The following ADGB variants were observed in gnomAD, a reference collection of about 807,000 sequenced individuals.
ADGB encodes the protein calpain-7-like protein.
A neutral mutation model predicts 210.5 loss-of-function variants in ADGB; 172 were observed. The observed-to-expected ratio is 0.82, with a 90% CI of 0.72 to 0.93. The LOEUF (loss-of-function observed/expected upper bound fraction) is 0.93, where lower values mean the gene tolerates loss of function less well. ADGB is among the 40% of genes least tolerant of loss of function. ADGB has a pLI of 0.00. For missense variants in ADGB, 2,025 were observed against 1,964.8 expected, an observed-to-expected ratio of 1.03 and a Z score of -0.58; for synonymous variants, 658 against 662.7, an observed-to-expected ratio of 0.99 and a Z score of 0.11.
intron 13 of ADGB, among the ~76,000 whole-genome samples, chr6:146,712,188 T>TC: frequency 6.6e-6 from 1 of 151,902 alleles, no homozygotes; most frequent in African/African-American, 2.4e-5. Flanking sequence ...TGTTTTGTTT[T>TC]TTTTTGTTTT....
At chr6:146,763,063 T>C (rs997751963) in intron 27 of ADGB, among the ~76,000 whole-genome samples, 1 of 152,120 alleles carries the variant, frequency 6.6e-6, no homozygotes, top group African/African-American at 2.4e-5. Flanking sequence ...CACTCACCCA[T>C]CTTTGTTTCC....
At chr6:146,663,123 A>G (rs966108496) in intron 5 of ADGB, among the ~76,000 whole-genome samples, 1 of 140,404 alleles carries the variant, frequency 7.1e-6, no homozygotes, top group Admixed American at 7.4e-5. Context: ...AATATAATAA[A>G]TATATAATTA....
intron 35 of ADGB, among the ~76,000 whole-genome samples, chr6:146,806,651 T>A (rs1778216500): frequency 6.6e-6 from 1 of 152,108 alleles, no homozygotes; most frequent in South Asian, 2.1e-4. Context: ...TCTAGAAGAG[T>A]CTTTTCAGGC....
chr6:146,614,910 C>CT (rs1351234815), intron 1 of ADGB, among the ~76,000 whole-genome samples: 3 of 151,560 alleles, frequency 2.0e-5, no homozygotes, highest in Non-Finnish European at 4.4e-5. Flanking sequence ...ATCTCAGATT[C>CT]TTTTTTTTGA....
At chr6:146,698,717 A>G (rs1408843728) in intron 12 of ADGB, among the ~76,000 whole-genome samples, 1 of 152,106 alleles carries the variant, frequency 6.6e-6, no homozygotes, top group East Asian at 1.9e-4. Flanking sequence ...CAAATTAATA[A>G]ATCTAGTTTT....
chr6:146,691,940 C>T (rs1776335691), intron 11 of ADGB, among the ~76,000 whole-genome samples: 1 of 151,854 alleles, frequency 6.6e-6, no homozygotes, highest in Admixed American at 6.6e-5. Context: ...TGTCTCCTTC[C>T]CTCCCTTCCT....
rs1397704943 is a variant in ADGB at position 146,745,964 on chromosome 6, T to C, written c.3220T>C (p.Tyr1074His). ...FVAEAFTGDT[Y>H]VAASRWKLRL... ...GGCGGAAGCATTTACAGGCGACACA[T>C]ATGTAGCAGCCTCACGATGGAAACT... is the stretch of plus-strand genomic sequence containing the variant. Residue 1074 changes from tyrosine to histidine, a missense_variant, in exon 26 of 36, where the codon TAT (tyrosine) becomes CAT (histidine). Coordinates refer to ENST00000397944, the MANE Select transcript of ADGB (RefSeq NM_024694.4). 2 of 1,551,130 alleles carry C rather than the reference T, an allele frequency of 1.3e-6. No homozygotes were observed. The highest frequency in any genetic ancestry group is 2.4e-5 in the East Asian group (1 of 40,894).
intron 1 of ADGB, among the ~76,000 whole-genome samples, chr6:146,617,326 T>C (rs1281956085): frequency 6.6e-6 from 1 of 152,028 alleles, no homozygotes; most frequent in Non-Finnish European, 1.5e-5. Flanking sequence ...CATTTTTCAG[T>C]TCTGTAATTT....
intron 5 of ADGB, among the ~76,000 whole-genome samples, chr6:146,661,999 G>T (rs940072581): frequency 6.6e-6 from 1 of 152,092 alleles, no homozygotes; most frequent in Non-Finnish European, 1.5e-5. Context: ...CTGGCTCCTG[G>T]TGAGCAATCT....
intron 35 of ADGB, chr6:146,802,224 A>T (rs185477515): frequency 2.4e-4 from 69 of 286,378 alleles, no homozygotes; most frequent in African/African-American, 1.3e-3. Context: ...AGTATTGGGA[A>T]TCTATCCTCA....
intron 35 of ADGB, chr6:146,803,843 CCG>C (rs1778170469): frequency 3.5e-5 from 14 of 395,386 alleles, no homozygotes; most frequent in Admixed American, 4.4e-5. Context: ...TCAAACGCGG[CCG>C]CGCGCGCGGC....
intron 25 of ADGB, among the ~76,000 whole-genome samples, chr6:146,742,192 C>T (rs967941558): frequency 1.3e-5 from 2 of 151,860 alleles, no homozygotes; most frequent in Non-Finnish European, 2.9e-5. Context: ...ATTAAATTTT[C>T]GATGAAATTA....
rs199922282 is a variant in ADGB, at chr6:146,691,304, C to T, written c.1486+14C>T. 1.3e-3 allele frequency: 2,027 copies of T among 1,526,150 alleles called. 4 individuals carry two copies. The highest frequency in any genetic ancestry group is 1.7e-3 in the Non-Finnish European group (1,930 of 1,137,096). The allele number at this position is 1,526,150 out of a possible 1,614,324, so 94.5% of individuals were successfully genotyped here. A position where few individuals can be genotyped will look rare whatever the true frequency, so the allele number is the denominator to read the frequency against. The stretch of plus-strand genomic sequence containing the variant: ...ATGAAGCTCAAGGTATGTATCACAT[C>T]ATCTTCAAATCCTTCTAATTAATGT... On this transcript the variant is annotated intron_variant, in intron 11 of 35. Transcript: ENST00000397944.
intron 28 of ADGB, among the ~76,000 whole-genome samples, chr6:146,766,375 C>T (rs902160125): frequency 2.2e-4 from 34 of 151,588 alleles, no homozygotes; most frequent in Admixed American, 2.2e-3. Flanking sequence ...TACAGCGAGC[C>T]GAGATTGTAC....
At chr6:146,719,735 C>T (rs567855281) in intron 16 of ADGB, among the ~76,000 whole-genome samples, 3 of 152,214 alleles carry the variant, frequency 2.0e-5, no homozygotes, top group South Asian at 2.1e-4. Flanking sequence ...CCCCTCAATT[C>T]GCAGGCCCTT....
chr6:146,811,729 T>C (rs1285791695), intron 35 of ADGB, among the ~76,000 whole-genome samples: 5 of 152,198 alleles, frequency 3.3e-5, no homozygotes, highest in South Asian at 2.1e-4. Context: ...TGGAGTGCAA[T>C]GGTGTGACCT....
rs1035306951 is a variant in ADGB, at chr6:146,728,775, G to A, written c.2520+34G>A. On this transcript the variant is annotated intron_variant, in intron 20 of 35. Coordinates refer to ENST00000397944, the MANE Select transcript of ADGB (RefSeq NM_024694.4). ...GTTTGGGATACAATGTTCAGAAGAG[G>A]AAACTTTCTTTTCAAAATGGTATAT... The A allele has an allele frequency of 4.1e-6, 6 of 1,453,046 alleles. No homozygotes were observed. In the African/African-American group the frequency reaches 8.5e-5, roughly 20 times the overall value. The allele number at this position is 1,453,046 out of a possible 1,614,324, so 90.0% of individuals were successfully genotyped here. A position where few individuals can be genotyped will look rare whatever the true frequency, so the allele number is the denominator to read the frequency against.
At position 146,784,681 on chromosome 6, in the gene ADGB, A is replaced by G; in HGVS notation, c.4099A>G (p.Thr1367Ala). 2 of 1,551,612 alleles carry G rather than the reference A, an allele frequency of 1.3e-6. No homozygotes were observed. ...ACCCTACTGGATTTTGAGGTTGGTC[A>G]CTGAACACAATGAATCAGAATTATT... ...NKPYWILRLV[T>A]EHNESELFEV... Residue 1367 changes from threonine (T) to alanine (A), a missense_variant, in exon 31 of 36, where the codon ACT becomes GCT. Transcript: ENST00000397944.
chr6:146,758,018 C>G (rs1777434326), intron 27 of ADGB, among the ~76,000 whole-genome samples: 2 of 152,030 alleles, frequency 1.3e-5, no homozygotes, highest in African/African-American at 2.4e-5. Flanking sequence ...TAGGGTTGAG[C>G]TTGGGCAAAG....
Sources: allele counts gnomAD v4.1 joint callset (sites outside exome capture counted in the v4.1 genomes callset), GRCh38; gene constraint gnomAD v4.1.1; transcripts MANE v1.5; gene names NCBI Gene and HGNC (gene_info 2026-07-23, HGNC 2026-07-21).